The following ZCCHC8 variants were observed in gnomAD, a reference collection of about 807,000 sequenced individuals.
ZCCHC8 encodes the protein zinc finger CCHC-type containing 8.
Under a neutral mutation model 70.6 loss-of-function variants are expected in ZCCHC8, and 27 were observed. The ratio of observed to expected loss-of-function variants is 0.38; its 90% CI spans 0.28 to 0.53. The LOEUF (loss-of-function observed/expected upper bound fraction) is 0.53, where lower values mean the gene tolerates loss of function less well. ZCCHC8 is among the 20% of genes least tolerant of loss of function. The probability of loss-of-function intolerance (pLI) is 0.81; values close to 1 mark genes in which losing one functional copy is unlikely to be tolerated. For synonymous variants in ZCCHC8, 293 were observed against 317.4 expected (o/e 0.92, Z 0.82); for missense variants, 737 against 876.9 (o/e 0.84, Z 2.01).
At chr12:122,491,498 C>T (rs920345363) in intron 3 of ZCCHC8, among the ~76,000 whole-genome samples, 40 of 144,714 alleles carry the variant, frequency 2.8e-4, no homozygotes, top group African/African-American at 9.6e-4. Flanking sequence ...CATTGGACTC[C>T]AGCCTGGGCA....
chr12:122,477,810 A>C (rs753790079), intron 13 of ZCCHC8, 31 bp downstream of exon 13: 26 of 1,214,716 alleles, frequency 2.1e-5, no homozygotes, highest in Non-Finnish European at 2.9e-5. Flanking sequence ...AAAAAAAAAG[A>C]GAGAAATCAG....
chr12:122,480,053 C>A, intron 11 of ZCCHC8, 137 bp downstream of exon 11: 2 of 736,810 alleles, frequency 2.7e-6, no homozygotes, highest in South Asian at 1.9e-5. Context: ...CTCAAGTGAT[C>A]ATCTTGCCTC....
At position 122,500,817 on chromosome 12, in the gene ZCCHC8, G is replaced by A. The variant is rs1480774065; in HGVS notation, c.24C>T (p.Gly8=). The part of the protein sequence containing the change: MAAEVYF[G]DLELFEPFDH... ...CGAACGGCTCGAAGAGCTCTAGATCGCCAAAATACACCTCTGCGGCCATTT... is the reference window on the plus strand; with the variant it reads ...CGAACGGCTCGAAGAGCTCTAGATCACCAAAATACACCTCTGCGGCCATTT... The change falls in exon 1 of 14, where the codon GGC becomes GGT. Residue 8 remains glycine (G), a synonymous_variant. Coordinates refer to ENST00000633063, the MANE Select transcript of ZCCHC8 (RefSeq NM_017612.5). This position sits in a 1 kb window ranked among gnomAD's most constrained non-coding sequence, Gnocchi z 4.8. 3.8e-6 allele frequency: 6 copies of A among 1,576,660 alleles called. No individual in the cohort carries two copies. The South Asian group carries it at 4.7e-5, about 12-fold the overall frequency.
At chr12:122,494,090 C>A (rs989694230) in intron 2 of ZCCHC8, among the ~76,000 whole-genome samples, 2 of 151,900 alleles carry the variant, frequency 1.3e-5, no homozygotes, top group African/African-American at 4.8e-5. Context: ...TTTCAAATAC[C>A]GCAAAAAACA....
chr12:122,482,477 A>G (rs1320770768), intron 8 of ZCCHC8, 158 bp downstream of exon 8: 1 of 498,846 alleles, frequency 2.0e-6, no homozygotes, highest in East Asian at 3.2e-5. Context: ...ATGTCTTAAA[A>G]TATGAACACA....
At chr12:122,493,013 G>A (rs941741854) in intron 2 of ZCCHC8, among the ~76,000 whole-genome samples, 1 of 151,930 alleles carries the variant, frequency 6.6e-6, no homozygotes. Flanking sequence ...GACCACAGGT[G>A]CATACCACCA....
At position 122,498,873 on chromosome 12, in the gene ZCCHC8, A is replaced by G. The variant is rs138694442; in HGVS notation, c.200-4T>C. ...AATTTTCGTTTAAGTTCTTGATGTT[A>G]TTATTTGTTAAGGAAGATAAGCCCT... On this transcript the variant is annotated splice_polypyrimidine_tract_variant and splice_region_variant and intron_variant, in intron 1 of 13. Coordinates refer to ENST00000633063, the MANE Select transcript of ZCCHC8 (RefSeq NM_017612.5). 3.9e-4 allele frequency: 637 copies of G among 1,612,742 alleles called. 3 individuals carry two copies. In the African/African-American group the frequency reaches 7.2e-3, roughly 18 times the overall value.
In ZCCHC8 at chr12:122,473,350, A is replaced by C; in HGVS notation, c.*147T>G. On this transcript the variant is annotated 3_prime_UTR_variant, in exon 14 of 14. Coordinates refer to ENST00000633063, the MANE Select transcript of ZCCHC8 (RefSeq NM_017612.5). ...GAACTAGTGAGCTCAGTCTTTCTTT[A>C]AAATAGGCTTGACTTTGGAACATGA... 1 of 972,004 alleles carries C rather than the reference A, an allele frequency of 1.0e-6. No individual in the cohort carries two copies. Among genetic ancestry groups the C allele is most frequent in the Non-Finnish European group, 1.5e-6 (1 of 672,618 alleles). The allele number at this position is 972,004 out of a possible 1,614,324, so 60.2% of individuals were successfully genotyped here. A position where few individuals can be genotyped will look rare whatever the true frequency, so the allele number is the denominator to read the frequency against.
intron 8 of ZCCHC8, chr12:122,482,327 C>T (rs1372422518): frequency 9.1e-6 from 4 of 441,560 alleles, no homozygotes; most frequent in Non-Finnish European, 1.6e-5. Flanking sequence ...ATTTAATTCT[C>T]ATGTTTATTC....
intron 13 of ZCCHC8, among the ~76,000 whole-genome samples, chr12:122,474,646 G>A (rs1223089653): frequency 1.3e-5 from 2 of 152,100 alleles, no homozygotes; most frequent in East Asian, 3.8e-4. Flanking sequence ...TTTGACTGGA[G>A]GTGCAGGCTG....
At chr12:122,492,462 G>T (rs1957764447) in intron 3 of ZCCHC8, among the ~76,000 whole-genome samples, 1 of 152,184 alleles carries the variant, frequency 6.6e-6, no homozygotes, top group Non-Finnish European at 1.5e-5. Context: ...GTTTTCCAGT[G>T]AAGTAACGGA....
chr12:122,489,578 G>A, intron 4 of ZCCHC8, 115 bp from the exon 5 acceptor site: 1 of 929,216 alleles, frequency 1.1e-6, no homozygotes, highest in Non-Finnish European at 1.7e-6. Flanking sequence ...ATTTCATGTG[G>A]GAGAATGGAA....
chr12:122,478,066 G>A, intron 12 of ZCCHC8, 108 bp from the exon 13 acceptor site: 1 of 1,207,456 alleles, frequency 8.3e-7, no homozygotes, highest in Middle Eastern at 1.9e-4. Context: ...TTAAGTCTAG[G>A]TAATTGGTGA....
rs770694530 is a variant in ZCCHC8, at chr12:122,473,452, A to C, written c.*45T>G. On this transcript the variant is annotated 3_prime_UTR_variant, in exon 14 of 14. Coordinates refer to ENST00000633063, the MANE Select transcript of ZCCHC8 (RefSeq NM_017612.5). The stretch of plus-strand genomic sequence containing the variant: ...TCTATCCACTTAATTAGTACTAATT[A>C]ACGGAACAAAGTTATTAAATAGCTC... 19 of 1,577,058 alleles carry C rather than the reference A, an allele frequency of 1.2e-5. No individual in the cohort carries two copies. Among genetic ancestry groups the C allele is most frequent in the Non-Finnish European group, 1.6e-5 (18 of 1,158,904 alleles).
intron 2 of ZCCHC8, among the ~76,000 whole-genome samples, chr12:122,493,967 G>A (rs1957787276): frequency 6.6e-6 from 1 of 152,078 alleles, no homozygotes; most frequent in Non-Finnish European, 1.5e-5. Context: ...AAGTATATAG[G>A]AAAGAACACT....
chr12:122,487,135 G>T (rs899231914), intron 5 of ZCCHC8, among the ~76,000 whole-genome samples: 1 of 152,134 alleles, frequency 6.6e-6, no homozygotes, highest in Non-Finnish European at 1.5e-5. Flanking sequence ...GTTCAGAGAG[G>T]CTGTCAGTCA....
chr12:122,477,927 G>A lies in ZCCHC8; in HGVS notation c.1259C>T (p.Ser420Leu). 1 of 1,613,878 alleles carries A rather than the reference G, an allele frequency of 6.2e-7. No homozygotes were observed. Among genetic ancestry groups the A allele is most frequent in the Non-Finnish European group, 8.5e-7 (1 of 1,179,838 alleles). The part of the protein sequence containing the change: ...PGVKSGNKRS[S>L]SHSSPGSPKK... ...TGGACTACCTGGGCTAGAGTGAGAT[G>A]AAGACCTCTTGTTGCCAGACTTCAC... The change falls in exon 13 of 14, where the codon TCA becomes TTA. Residue 420 changes from serine to leucine, a missense_variant. By Grantham distance (145) the Ser-to-Leu change is moderately radical. Coordinates refer to ENST00000633063, the MANE Select transcript of ZCCHC8 (RefSeq NM_017612.5).
chr12:122,480,470 GA>G, intron 10 of ZCCHC8, 159 bp from the exon 11 acceptor site: 1 of 466,724 alleles, frequency 2.1e-6, no homozygotes. Flanking sequence ...CATTAGGACA[GA>G]ACTTTTTTTT....
Position 122,492,872 on chromosome 12 carries a change from T to C in ZCCHC8, c.243-83A>G, listed in dbSNP as rs551888203. The C allele has an allele frequency of 2.1e-5, 20 of 930,810 alleles. No homozygotes were observed. The African/African-American group carries it at 2.9e-4, about 13-fold the overall frequency. 57.7% of individuals were successfully genotyped at this position (930,810 alleles called of 1,614,324 possible). A position where few individuals can be genotyped will look rare whatever the true frequency, so the allele number is the denominator to read the frequency against. On this transcript the variant is annotated intron_variant, in intron 2 of 13. Transcript: ENST00000633063. Reference sequence around the variant, plus strand: ...ATATATAAACGCATAACTTTTATACTTTTTTTTTCCTTTTTTGACACAGGT... The same window carrying C: ...ATATATAAACGCATAACTTTTATACCTTTTTTTTCCTTTTTTGACACAGGT...
Sources: allele counts gnomAD v4.1 joint callset (sites outside exome capture counted in the v4.1 genomes callset), GRCh38; gene constraint gnomAD v4.1.1; non-coding constraint Gnocchi (gnomAD v3.1); transcripts MANE v1.5; gene names NCBI Gene and HGNC (gene_info 2026-07-23, HGNC 2026-07-21).